C6orf58: variants seen among roughly 807,000 people sequenced by gnomAD.
C6orf58 encodes the protein chromosome 6 open reading frame 58.
A neutral mutation model predicts 37.0 loss-of-function variants in C6orf58; 30 were observed. The ratio of observed to expected loss-of-function variants is 0.81; its 90% CI spans 0.61 to 1.10. The LOEUF (loss-of-function observed/expected upper bound fraction) is 1.10, where lower values mean the gene tolerates loss of function less well. C6orf58 is among the 50% of genes least tolerant of loss of function. The pLI is 0.00. For synonymous variants in C6orf58, 143 were observed against 134.1 expected, an observed-to-expected ratio of 1.07 and a Z score of -0.46; for missense variants, 368 against 387.5, an observed-to-expected ratio of 0.95 and a Z score of 0.42.
chr6:127,590,294 A>G lies in C6orf58; in HGVS notation c.882A>G (p.Leu294=). 6.2e-7 allele frequency: 1 copy of G among 1,611,028 alleles called. No homozygotes were observed. The change falls in exon 5 of 6, where the codon CTA becomes CTG. Residue 294 remains leucine, a synonymous_variant. Coordinates refer to ENST00000329722, the MANE Select transcript of C6orf58 (RefSeq NM_001010905.3). ...TTCAGAATGTAGTCCTGGTTCTTCTAAATATGCTTGACAATGTGGATAAAT... is the reference window on the plus strand; with the variant it reads ...TTCAGAATGTAGTCCTGGTTCTTCTGAATATGCTTGACAATGTGGATAAAT... ...TAFQNVVLVL[L]NMLDNVDKSI... is the part of the protein sequence containing the mutation.
intron 4 of C6orf58, among the ~76,000 whole-genome samples, chr6:127,587,756 A>G (rs1313060025): frequency 6.6e-6 from 1 of 152,232 alleles, no homozygotes; most frequent in Non-Finnish European, 1.5e-5. Context: ...ACAATAGTAC[A>G]TGCCACATAG....
chr6:127,584,749 T>C (rs942954767), intron 4 of C6orf58, among the ~76,000 whole-genome samples: 6 of 150,132 alleles, frequency 4.0e-5, no homozygotes, highest in Non-Finnish European at 7.4e-5. Flanking sequence ...ACTCCAGAGA[T>C]TGGGGACTGG....
chr6:127,589,534 A>G (rs1274393357), intron 4 of C6orf58, among the ~76,000 whole-genome samples: 1 of 152,204 alleles, frequency 6.6e-6, no homozygotes, highest in Non-Finnish European at 1.5e-5. Flanking sequence ...ATAGTTACAG[A>G]GGCTTTTCTA....
chr6:127,590,369 G>C (rs746881318), intron 5 of C6orf58, 44 bp downstream of exon 5: 1 of 1,141,392 alleles, frequency 8.8e-7, no homozygotes, highest in Non-Finnish European at 1.3e-6. Flanking sequence ...GTATTATGTT[G>C]AACAAATAGA....
In C6orf58 at chr6:127,577,294, C is replaced by T. The variant is rs1400963045; in HGVS notation, c.109C>T (p.Pro37Ser). Residue 37 changes from proline (P) to serine (S), a missense_variant, in exon 1 of 6, where the codon CCT becomes TCT. Physicochemically the swap from Pro to Ser is moderately conservative, Grantham distance 74. Coordinates refer to ENST00000329722, the MANE Select transcript of C6orf58 (RefSeq NM_001010905.3). ...AGAGCCCCCTCTGTGGAAGGAGAGT[C>T]CTGGTCAGCTCAGTGACTACAGGGT... Reference protein sequence around the residue: ...ETEPPLWKESPGQLSDYRVEN... With the variant: ...ETEPPLWKESSGQLSDYRVEN... The T allele has an allele frequency of 6.2e-7, 1 of 1,613,544 alleles. No homozygotes were observed. The highest frequency in any genetic ancestry group is 8.5e-7 in the Non-Finnish European group (1 of 1,179,594).
intron 4 of C6orf58, among the ~76,000 whole-genome samples, chr6:127,588,269 T>C (rs1011482146): frequency 3.3e-5 from 5 of 152,202 alleles, no homozygotes; most frequent in African/African-American, 7.2e-5. Context: ...ATCGTTAATA[T>C]TGTATTTTTT....
chr6:127,588,847 T>C (rs924209071), intron 4 of C6orf58, among the ~76,000 whole-genome samples: 2 of 152,176 alleles, frequency 1.3e-5, no homozygotes, highest in Admixed American at 6.5e-5. Context: ...TCAAAATCTT[T>C]ATGACTTCAT....
At position 127,591,585 on chromosome 6, in the gene C6orf58, C is replaced by A. The variant is rs190227683; in HGVS notation, c.956C>A (p.Ser319Ter). The A allele has an allele frequency of 4.6e-6, 7 of 1,528,668 alleles. No individual in the cohort carries two copies. In the South Asian group the frequency reaches 9.3e-5, roughly 20 times the overall value. 94.7% of individuals were successfully genotyped at this position (1,528,668 alleles called of 1,614,324 possible). A position where few individuals can be genotyped will look rare whatever the true frequency, so the allele number is the denominator to read the frequency against. ...TEKSNVYRDH[S>*]ESSSRSYGNN... Reference sequence around the variant, plus strand: ...AAATCTAATGTATATAGAGATCATTCGGAATCTAGCTCTAGAAGTTATGGA... The same window carrying A: ...AAATCTAATGTATATAGAGATCATTAGGAATCTAGCTCTAGAAGTTATGGA... The change falls in exon 6 of 6, where the codon TCG (serine) becomes TAG (stop). Residue 319 changes from serine (S) to a stop codon, truncating the protein, a stop_gained. Coordinates refer to ENST00000329722, the MANE Select transcript of C6orf58 (RefSeq NM_001010905.3). LOFTEE classifies it low-confidence loss of function (END_TRUNC).
intron 4 of C6orf58, among the ~76,000 whole-genome samples, chr6:127,583,571 G>T (rs1775072796): frequency 6.6e-6 from 1 of 152,128 alleles, no homozygotes; most frequent in African/African-American, 2.4e-5. Context: ...ACAGTCCCAG[G>T]GGTCTGGAGG....
At chr6:127,580,094 GTT>G (rs1332377286) in intron 2 of C6orf58, among the ~76,000 whole-genome samples, 169 bp from the exon 3 acceptor site, 1 of 151,940 alleles carries the variant, frequency 6.6e-6, no homozygotes, top group Admixed American at 6.6e-5. Context: ...TGCAATCAAA[GTT>G]ATATATTTGA....
intron 4 of C6orf58, 133 bp downstream of exon 4, chr6:127,581,415 A>G (rs562588582): frequency 2.7e-6 from 1 of 373,032 alleles, no homozygotes; most frequent in Non-Finnish European, 4.7e-6. Context: ...ATTGGAGATT[A>G]TAGTGAGGAT....
intron 4 of C6orf58, among the ~76,000 whole-genome samples, chr6:127,584,935 A>T (rs572618247): frequency 3.5e-4 from 54 of 152,320 alleles, no homozygotes; most frequent in African/African-American, 1.3e-3. Flanking sequence ...CTGACATAGC[A>T]TGAAAATCTG....
chr6:127,577,237 T>C lies in C6orf58; in HGVS notation c.52T>C (p.Ser18Pro), dbSNP rs781480375. 43 of 1,613,414 alleles carry C rather than the reference T, an allele frequency of 2.7e-5. No individual in the cohort carries two copies. Among genetic ancestry groups the C allele is most frequent in the Non-Finnish European group, 3.6e-5 (43 of 1,179,620 alleles). Reference sequence around the variant, plus strand: ...TGTACTAGTTGGTTCCTTTTCTGCTTCCTTAGCAGGGACTTCCAATCTCTC... The same window carrying C: ...TGTACTAGTTGGTTCCTTTTCTGCTCCCTTAGCAGGGACTTCCAATCTCTC... ...VCVLVGSFSASLAGTSNLSET... is the reference protein window; with the variant it reads ...VCVLVGSFSAPLAGTSNLSET... The change falls in exon 1 of 6, where the codon TCC becomes CCC. Residue 18 changes from serine (S) to proline (P), a missense_variant. Ser to Pro is a moderately conservative substitution (Grantham distance 74, BLOSUM62 -1). Coordinates refer to ENST00000329722, the MANE Select transcript of C6orf58 (RefSeq NM_001010905.3).
At chr6:127,589,799 T>C (rs1483263891) in intron 4 of C6orf58, among the ~76,000 whole-genome samples, 1 of 152,136 alleles carries the variant, frequency 6.6e-6, no homozygotes, top group East Asian at 1.9e-4. Flanking sequence ...TGCCTTACTT[T>C]TGGTTATTAG....
intron 5 of C6orf58, among the ~76,000 whole-genome samples, 169 bp downstream of exon 5, chr6:127,590,494 C>G (rs987596970): frequency 1.3e-5 from 2 of 152,086 alleles, no homozygotes; most frequent in African/African-American, 4.8e-5. Context: ...ATATATAGAA[C>G]CATTTAATGA....
chr6:127,578,649 G>A lies in C6orf58; in HGVS notation c.302-37G>A, dbSNP rs757784131. On this transcript the variant is annotated intron_variant, in intron 1 of 5. Coordinates refer to ENST00000329722, the MANE Select transcript of C6orf58 (RefSeq NM_001010905.3). ...ATAGTTACAGCCAGTTTCAAAATGC[G>A]TATAATAAATACGACTGTGCATCCT... The A allele has an allele frequency of 2.0e-5, 29 of 1,458,082 alleles. 1 individual carries two copies. The highest frequency in any genetic ancestry group is 3.5e-4 in the Middle Eastern group (2 of 5,742). 90.3% of individuals were successfully genotyped at this position (1,458,082 alleles called of 1,614,324 possible). A position where few individuals can be genotyped will look rare whatever the true frequency, so the allele number is the denominator to read the frequency against.
chr6:127,577,621 C>T (rs2114287851), intron 1 of C6orf58, 135 bp downstream of exon 1: 1 of 752,302 alleles, frequency 1.3e-6, no homozygotes, highest in East Asian at 2.6e-5. Flanking sequence ...CCCTTATAAT[C>T]ATTGTTTTTC....
rs147056569 is a variant in C6orf58 at position 127,577,392 on chromosome 6, T to G, written c.207T>G (p.Asn69Lys). ...ERMGMYKIIL[N>K]QTARYFAKFA... The stretch of plus-strand genomic sequence containing the variant: ...TGGGGATGTATAAAATCATATTGAA[T>G]CAGACAGCCAGGTATTTTGCAAAAT... Residue 69 changes from asparagine to lysine, a missense_variant, in exon 1 of 6, where the codon AAT (asparagine) becomes AAG (lysine). Asn to Lys is a moderately conservative substitution (Grantham distance 94). Transcript: ENST00000329722. The G allele has an allele frequency of 6.2e-7, 1 of 1,613,584 alleles. No homozygotes were observed. Among genetic ancestry groups the G allele is most frequent in the Admixed American group, 1.7e-5 (1 of 59,942 alleles).
At chr6:127,584,741 T>C (rs911377654) in intron 4 of C6orf58, among the ~76,000 whole-genome samples, 1 of 149,216 alleles carries the variant, frequency 6.7e-6, no homozygotes, top group Admixed American at 6.7e-5. Flanking sequence ...ACCACTGCAC[T>C]CCAGAGATTG....
Sources: allele counts gnomAD v4.1 joint callset (sites outside exome capture counted in the v4.1 genomes callset), GRCh38; gene constraint gnomAD v4.1.1; transcripts MANE v1.5; gene names NCBI Gene and HGNC (gene_info 2026-07-23, HGNC 2026-07-21).